Variants in PLXDC2 observed in about 807,000 individuals in gnomAD.
PLXDC2 encodes the protein plexin domain-containing protein 2.
A neutral mutation model predicts 68.9 loss-of-function variants in PLXDC2; 40 were observed. The observed-to-expected ratio is 0.58, with a 90% CI of 0.45 to 0.76. The LOEUF (loss-of-function observed/expected upper bound fraction) is 0.76. Ranked by LOEUF, PLXDC2 falls within the 30% of genes least tolerant of loss-of-function variation. The pLI, the probability that PLXDC2 is intolerant of heterozygous loss-of-function variation, is 0.00. For synonymous variants in PLXDC2, 243 were observed against 234.2 expected, an observed-to-expected ratio of 1.04 and a Z score of -0.34; for missense variants, 644 against 661.9, an observed-to-expected ratio of 0.97 and a Z score of 0.30.
At chr10:19,917,433 T>G (rs1042813030) in intron 1 of PLXDC2, among the ~76,000 whole-genome samples, 1 of 152,220 alleles carries the variant, frequency 6.6e-6, no homozygotes, top group Non-Finnish European at 1.5e-5. Flanking sequence ...TCACAAAAAC[T>G]TAAAGCATGC....
chr10:20,115,572 T>C (rs1286429069), intron 4 of PLXDC2, among the ~76,000 whole-genome samples: 3 of 152,148 alleles, frequency 2.0e-5, no homozygotes, highest in East Asian at 1.9e-4. Flanking sequence ...CAGGAGAGAA[T>C]TAATAGTCAT....
intron 9 of PLXDC2, among the ~76,000 whole-genome samples, chr10:20,189,556 CAT>C (rs1554773639): frequency 1.0e-4 from 13 of 124,754 alleles, no homozygotes; most frequent in Admixed American, 1.7e-4. Context: ...CACACACACA[CAT>C]ATATATATAT....
intron 1 of PLXDC2, among the ~76,000 whole-genome samples, chr10:19,865,374 A>G (rs1444932995): frequency 1.3e-5 from 2 of 152,182 alleles, no homozygotes; most frequent in African/African-American, 4.8e-5. Flanking sequence ...TTTTTCAGAA[A>G]TGTATTTTTC....
intron 1 of PLXDC2, among the ~76,000 whole-genome samples, chr10:19,968,761 A>C (rs1428058950): frequency 6.6e-6 from 1 of 152,210 alleles, no homozygotes; most frequent in Non-Finnish European, 1.5e-5. Context: ...TAGAGGAAAT[A>C]CTCAAATAAA....
chr10:20,203,010 TA>T (rs1834941339), intron 9 of PLXDC2, among the ~76,000 whole-genome samples: 1 of 152,118 alleles, frequency 6.6e-6, no homozygotes, highest in African/African-American at 2.4e-5. Flanking sequence ...CAGTGGCTTT[TA>T]ATCAGAACGA....
chr10:20,005,003 G>C (rs926925422), intron 2 of PLXDC2, among the ~76,000 whole-genome samples: 1 of 152,126 alleles, frequency 6.6e-6, no homozygotes, highest in Admixed American at 6.5e-5. Flanking sequence ...GTGTCCCTGT[G>C]TTTTCTGGGC....
At chr10:20,077,702 C>T (rs1836475493) in intron 4 of PLXDC2, among the ~76,000 whole-genome samples, 1 of 151,924 alleles carries the variant, frequency 6.6e-6, no homozygotes, top group Non-Finnish European at 1.5e-5. Flanking sequence ...TAGAGAAAAT[C>T]CAAAGCACTT....
chr10:20,250,478 C>T (rs898809172), intron 13 of PLXDC2, among the ~76,000 whole-genome samples: 2 of 152,014 alleles, frequency 1.3e-5, no homozygotes, highest in Non-Finnish European at 2.9e-5. Context: ...TCATTTAATC[C>T]TCATGAAGAC....
chr10:20,203,366 C>T (rs554032978), intron 9 of PLXDC2, among the ~76,000 whole-genome samples: 14 of 151,158 alleles, frequency 9.3e-5, no homozygotes, highest in Admixed American at 7.3e-4. Context: ...TAACAGCTCA[C>T]GGCAGCCTCA....
chr10:20,097,947 T>C (rs866570168), intron 4 of PLXDC2, among the ~76,000 whole-genome samples: 13 of 148,508 alleles, frequency 8.8e-5, no homozygotes, highest in Middle Eastern at 7.1e-3. Context: ...TATATATTTA[T>C]ATAGTATTAT....
In PLXDC2 at chr10:19,891,327, G is replaced by T. The variant is rs959545080; in HGVS notation, c.112+74136G>T. On this transcript the variant is annotated intron_variant, in intron 1 of 13. Coordinates refer to ENST00000377252, the MANE Select transcript of PLXDC2 (RefSeq NM_032812.9). Reference sequence around the variant, plus strand: ...ATTTCTTGGCTTTCCATTTTTCTGTGTCCCAATTTAAAGTACCACACACAG... The same window carrying T: ...ATTTCTTGGCTTTCCATTTTTCTGTTTCCCAATTTAAAGTACCACACACAG... Among the ~76,000 whole-genome samples the T allele has an allele frequency of 2.0e-5, 3 of 152,090 alleles. No homozygotes were observed. The South Asian group carries it at 6.2e-4, about 31-fold the overall frequency.
At chr10:20,233,142 C>A (rs1930227) in intron 12 of PLXDC2, among the ~76,000 whole-genome samples, 1 of 151,720 alleles carries the variant, frequency 6.6e-6, no homozygotes, top group African/African-American at 2.4e-5. Flanking sequence ...TGTATAGTTG[C>A]ACGAGTTGTA....
At chr10:19,861,525 A>C (rs1349607709) in intron 1 of PLXDC2, among the ~76,000 whole-genome samples, 4 of 152,160 alleles carry the variant, frequency 2.6e-5, no homozygotes, top group African/African-American at 9.7e-5. Flanking sequence ...ACAACATTCC[A>C]GTAACCTTTT....
chr10:20,050,241 C>G (rs1835869284), intron 3 of PLXDC2, among the ~76,000 whole-genome samples: 1 of 152,130 alleles, frequency 6.6e-6, no homozygotes, highest in African/African-American at 2.4e-5. Context: ...AGATGTAAAA[C>G]TCAAAACTAT....
At chr10:19,992,558 C>A (rs1219859456) in intron 1 of PLXDC2, among the ~76,000 whole-genome samples, 1 of 152,102 alleles carries the variant, frequency 6.6e-6, no homozygotes, top group Non-Finnish European at 1.5e-5. Context: ...TTATCATTAT[C>A]ACAGTATAAC....
chr10:19,971,018 A>G (rs1399126352), intron 1 of PLXDC2, among the ~76,000 whole-genome samples: 2 of 152,206 alleles, frequency 1.3e-5, no homozygotes, highest in African/African-American at 4.8e-5. Context: ...GAAACCACGC[A>G]GCTGTTCCTA....
At chr10:20,196,790 A>G (rs1474200252) in intron 9 of PLXDC2, among the ~76,000 whole-genome samples, 2 of 152,154 alleles carry the variant, frequency 1.3e-5, no homozygotes, top group Non-Finnish European at 2.9e-5. Context: ...CATGTCAACT[A>G]TTTCACGTTC....
intron 13 of PLXDC2, among the ~76,000 whole-genome samples, chr10:20,265,575 A>G (rs1346602275): frequency 6.6e-6 from 1 of 152,146 alleles, no homozygotes; most frequent in Non-Finnish European, 1.5e-5. Flanking sequence ...AATAATAATA[A>G]TGTTTCCGGG....
rs566610092 is a variant in PLXDC2, at chr10:20,195,193, G to A, written c.1062-16476G>A. On this transcript the variant is annotated intron_variant, in intron 9 of 13. Coordinates refer to ENST00000377252, the MANE Select transcript of PLXDC2 (RefSeq NM_032812.9). The stretch of plus-strand genomic sequence containing the variant: ...TCACCTTGGGTGCAGCCTGTGGTCC[G>A]GGCCTCACAGCCAAGTCTATCTCTC... Among the ~76,000 whole-genome samples the A allele has an allele frequency of 2.0e-5, 3 of 152,050 alleles. No individual in the cohort carries two copies. The South Asian group carries it at 6.2e-4, about 32-fold the overall frequency.
Sources: allele counts gnomAD v4.1 joint callset (sites outside exome capture counted in the v4.1 genomes callset), GRCh38; gene constraint gnomAD v4.1.1; transcripts MANE v1.5; gene names NCBI Gene and HGNC (gene_info 2026-07-23, HGNC 2026-07-21).